The following TEAD2 variants were observed in gnomAD, a reference collection of about 807,000 sequenced individuals.
TEAD2 encodes transcriptional enhancer factor TEF-4.
In TEAD2, 51 loss-of-function variants were observed where a neutral mutation model predicts 61.4. The ratio of observed to expected loss-of-function variants is 0.83; its 90% CI spans 0.66 to 1.05. The LOEUF (loss-of-function observed/expected upper bound fraction) is 1.05, where lower values mean the gene tolerates loss of function less well. Ranked by LOEUF, TEAD2 falls within the 50% of genes least tolerant of loss-of-function variation. TEAD2 has a pLI of 0.00. For synonymous variants in TEAD2, 244 were observed against 243.2 expected (o/e 1.00, Z -0.03); for missense variants, 509 against 600.0 (o/e 0.85, Z 1.58).
chr19:49,361,908 T>C (rs1235896438), intron 1 of TEAD2: 2 of 151,876 alleles, frequency 1.3e-5, no homozygotes, highest in African/African-American at 2.4e-5. Context: ...TGGAGCCGGG[T>C]AAGAAAGGTC....
chr19:49,354,314 G>A (rs148495803), intron 7 of TEAD2, among the ~76,000 whole-genome samples: 2,636 of 151,430 alleles, frequency 0.017, 72 homozygotes, highest in African/African-American at 0.054. Flanking sequence ...GACCAACCTG[G>A]GCAACATAGC....
chr19:49,348,239 T>C (rs1297303771), intron 9 of TEAD2, among the ~76,000 whole-genome samples: 2 of 152,186 alleles, frequency 1.3e-5, no homozygotes, highest in Non-Finnish European at 2.9e-5. Context: ...ATTCAGTCCC[T>C]AAGAGTTAGG....
In TEAD2 at chr19:49,355,423, G is replaced by A. The variant is rs1972323277; in HGVS notation, c.373-4C>T. 2 of 1,613,290 alleles carry A rather than the reference G, an allele frequency of 1.2e-6. No homozygotes were observed. Among genetic ancestry groups the A allele is most frequent in the African/African-American group, 1.3e-5 (1 of 74,918 alleles). ...CCTTGTCCTTGGAAACCTGGTCCTGGAGGAGGAGGCGGAAGTTCATGTGAG... is the reference window on the plus strand; with the variant it reads ...CCTTGTCCTTGGAAACCTGGTCCTGAAGGAGGAGGCGGAAGTTCATGTGAG... On this transcript the variant is annotated splice_region_variant and splice_polypyrimidine_tract_variant and intron_variant, in intron 5 of 12. Transcript: ENST00000593945.
chr19:49,351,205 A>G, intron 8 of TEAD2, 96 bp downstream of exon 8: 1 of 1,231,176 alleles, frequency 8.1e-7, no homozygotes, highest in Non-Finnish European at 1.1e-6. Context: ...AACAAAAAAA[A>G]CAATGTATCC....
chr19:49,349,873 T>C (rs1971899871), intron 8 of TEAD2, among the ~76,000 whole-genome samples: 1 of 152,206 alleles, frequency 6.6e-6, no homozygotes, highest in Non-Finnish European at 1.5e-5. Flanking sequence ...ACAGCCATCT[T>C]GGGACAATAA....
chr19:49,347,205 G>A lies in TEAD2; in HGVS notation c.906C>T (p.Phe302=), dbSNP rs375761935. The change falls in exon 10 of 13, where the codon TTC becomes TTT. Residue 302 remains phenylalanine, a synonymous_variant. Transcript: ENST00000593945. The part of the protein sequence containing the change: ...LYDRGPPHAF[F]LVKFWADLNW... ...GAGAACTCACCCAGAACTTGACCAG[G>A]AAGAAGGCATGGGGGGGGCCACGAT... 62 of 1,613,854 alleles carry A rather than the reference G, an allele frequency of 3.8e-5. No individual in the cohort carries two copies. The highest frequency in any genetic ancestry group is 3.3e-4 in the Admixed American group (20 of 59,988).
chr19:49,355,254 C>G (rs755388571), intron 6 of TEAD2, 48 bp from the exon 7 acceptor site: 1 of 1,613,428 alleles, frequency 6.2e-7, no homozygotes, highest in Non-Finnish European at 8.5e-7. Context: ...CTGTGGACAG[C>G]TGCAGCCCCA....
chr19:49,355,574 C>G (rs1972335426), intron 5 of TEAD2, among the ~76,000 whole-genome samples, 155 bp from the exon 6 acceptor site: 1 of 152,140 alleles, frequency 6.6e-6, no homozygotes. Context: ...CGCCTGTAAT[C>G]CCAGCACTCT....
intron 1 of TEAD2, 171 bp from the exon 2 acceptor site, chr19:49,360,252 G>A: frequency 1.6e-6 from 1 of 618,926 alleles, no homozygotes; most frequent in Non-Finnish European, 2.8e-6. Flanking sequence ...TCTGAGGGAG[G>A]AGGATCTGGG....
rs1971198408 is a variant in TEAD2 at position 49,340,602 on chromosome 19, T to TA, written c.*721dup. 5 of 577,120 alleles carry TA rather than the reference T, an allele frequency of 8.7e-6. No individual in the cohort carries two copies. Among genetic ancestry groups the TA allele is most frequent in the Non-Finnish European group, 1.6e-5 (5 of 322,236 alleles). The allele number at this position is 577,120 out of a possible 1,614,324, so 35.7% of individuals were successfully genotyped here. A position where few individuals can be genotyped will look rare whatever the true frequency, so the allele number is the denominator to read the frequency against. On this transcript the variant is annotated 3_prime_UTR_variant, in exon 13 of 13. Transcript: ENST00000593945. ...TCAAATAAATCCCCTGCGTTTTTGG[T>TA]AAAATAGCTTTATCCTCTGTCAGAA... is the stretch of plus-strand genomic sequence containing the variant.
Position 49,351,343 on chromosome 19 carries a change from GTGTC to G in TEAD2, c.558_561del (p.Gln186HisfsTer7). ...GGGGGAGTCAGTGACAAGGTGAACG[GTGTC>G]TGTGAGAATGGCTTCACACTGAGGG... is the stretch of plus-strand genomic sequence containing the variant. On this transcript the variant is annotated frameshift_variant, in exon 8 of 13. Transcript: ENST00000593945. LOFTEE classifies it high-confidence loss of function. 1 of 1,612,436 alleles carries G rather than the reference GTGTC, an allele frequency of 6.2e-7. No homozygotes were observed. Among genetic ancestry groups the G allele is most frequent in the Non-Finnish European group, 8.5e-7 (1 of 1,179,450 alleles).
intron 9 of TEAD2, 157 bp from the exon 10 acceptor site, chr19:49,347,520 C>T: frequency 1.3e-6 from 1 of 782,850 alleles, no homozygotes; most frequent in South Asian, 1.8e-5. Flanking sequence ...CCATCGTCCC[C>T]ACTCCTGCTT....
chr19:49,352,361 A>ACAGTAT (rs1324100946), intron 7 of TEAD2, among the ~76,000 whole-genome samples: 2 of 152,186 alleles, frequency 1.3e-5, no homozygotes, highest in African/African-American at 4.8e-5. Context: ...GCTAGTGGCT[A>ACAGTAT]CAGTATCAGT....
At chr19:49,360,920 G>T (rs1972831002) in intron 1 of TEAD2, among the ~76,000 whole-genome samples, 1 of 133,526 alleles carries the variant, frequency 7.5e-6, no homozygotes, top group South Asian at 2.8e-4. Context: ...AGAGAGAGAA[G>T]GGGACAGAGA....
chr19:49,350,113 A>C (rs907688499), intron 8 of TEAD2, among the ~76,000 whole-genome samples: 1 of 152,166 alleles, frequency 6.6e-6, no homozygotes, highest in African/African-American at 2.4e-5. Context: ...TCTCAGGGCC[A>C]TATCAGCATG....
chr19:49,358,596 GAA>G (rs1016343207), intron 3 of TEAD2, among the ~76,000 whole-genome samples: 1 of 151,908 alleles, frequency 6.6e-6, no homozygotes, highest in Admixed American at 6.6e-5. Context: ...ACAGCCTGCA[GAA>G]CTGTGAGCCA....
intron 11 of TEAD2, among the ~76,000 whole-genome samples, 160 bp downstream of exon 11, chr19:49,343,071 C>T (rs1339739423): frequency 2.0e-5 from 3 of 152,070 alleles, no homozygotes; most frequent in East Asian, 3.8e-4. Flanking sequence ...CTGCCTGTGA[C>T]TTCTGAACTG....
intron 3 of TEAD2, 62 bp from the exon 4 acceptor site, chr19:49,357,376 CT>C (rs1166435185): frequency 6.5e-7 from 1 of 1,536,526 alleles, no homozygotes; most frequent in East Asian, 2.3e-5. Context: ...TTCACTACCC[CT>C]TCTCTCCCTC....
intron 10 of TEAD2, 43 bp downstream of exon 10, chr19:49,347,147 C>A (rs778118182): frequency 1.3e-4 from 214 of 1,605,414 alleles, no homozygotes; most frequent in Non-Finnish European, 1.7e-4. Context: ...GCTGGGACAC[C>A]ACAGGATTTG....
Sources: gnomAD v4.1 joint callset for allele counts (sites outside exome capture counted in the v4.1 genomes callset) on GRCh38, gnomAD v4.1.1 for gene constraint, MANE v1.5 for transcripts, NCBI Gene and HGNC (gene_info 2026-07-23, HGNC 2026-07-21) for gene names.